The following ACSL1 variants were observed in gnomAD, a reference collection of about 807,000 sequenced individuals.
ACSL1 encodes the protein long-chain-fatty-acid--CoA ligase 1.
In ACSL1, 41 loss-of-function variants were observed where a neutral mutation model predicts 98.4. The ratio of observed to expected loss-of-function variants is 0.42; its 90% CI spans 0.32 to 0.54. ACSL1 has a LOEUF of 0.54. Among genes scored for constraint, ACSL1 ranks in the 20% least tolerant of loss-of-function variants. The pLI, the probability that ACSL1 is intolerant of heterozygous loss-of-function variation, is 0.13. For synonymous variants in ACSL1, 316 were observed against 322.7 expected (o/e 0.98, Z 0.22); for missense variants, 734 against 883.1 (o/e 0.83, Z 2.14).
Position 184,773,603 on chromosome 4 carries a change from T to G in ACSL1, c.841+60A>C. The G allele has an allele frequency of 2.7e-6, 4 of 1,490,404 alleles. No individual in the cohort carries two copies. In the East Asian group the frequency reaches 9.1e-5, roughly 34 times the overall value. 92.3% of individuals were successfully genotyped at this position (1,490,404 alleles called of 1,614,324 possible). On this transcript the variant is annotated intron_variant, in intron 9 of 20. Coordinates refer to ENST00000281455, the MANE Select transcript of ACSL1 (RefSeq NM_001995.5). This position sits in a 1 kb window ranked among gnomAD's most constrained non-coding sequence, Gnocchi z 4.3. ...TAGCTGATAAGTCATCCAAAAGAGG[T>G]AGGGGAGAGTCCAGACCAATGGCTG...
intron 1 of ACSL1, among the ~76,000 whole-genome samples, chr4:184,805,942 G>A (rs1196240342): frequency 6.6e-6 from 1 of 152,204 alleles, no homozygotes; most frequent in Non-Finnish European, 1.5e-5. Flanking sequence ...AGGATAGGAT[G>A]CCGGGTGGTA....
chr4:184,776,817 C>A, intron 6 of ACSL1, 67 bp downstream of exon 6: 1 of 1,551,764 alleles, frequency 6.4e-7, no homozygotes, highest in Non-Finnish European at 8.8e-7. Context: ...CAAATGTAAG[C>A]AAATGTAAAG....
At chr4:184,816,505 CTA>C (rs993452065) in intron 1 of ACSL1, among the ~76,000 whole-genome samples, 14 of 152,124 alleles carry the variant, frequency 9.2e-5, no homozygotes, top group African/African-American at 3.4e-4. Flanking sequence ...GAAAAAGAGA[CTA>C]TGCAGTTCGG....
chr4:184,762,380 T>C (rs749470646), intron 17 of ACSL1, 27 bp downstream of exon 17: 10 of 1,567,618 alleles, frequency 6.4e-6, no homozygotes, highest in Non-Finnish European at 8.8e-6. Flanking sequence ...ACTGAACTGT[T>C]TGTGACCTGA....
chr4:184,810,215 A>T (rs1771910052), intron 1 of ACSL1, among the ~76,000 whole-genome samples: 1 of 152,216 alleles, frequency 6.6e-6, no homozygotes, highest in African/African-American at 2.4e-5. Context: ...AGCTAGCATT[A>T]CATTTGCTGT....
At chr4:184,804,562 C>T (rs1771090333) in intron 1 of ACSL1, among the ~76,000 whole-genome samples, 1 of 142,296 alleles carries the variant, frequency 7.0e-6, no homozygotes, top group Non-Finnish European at 1.5e-5. Context: ...ATCTGGGCAA[C>T]AAAGTGAGAC....
chr4:184,826,577 G>T (rs935182429), upstream of ACSL1: 1 of 152,394 alleles, frequency 6.6e-6, no homozygotes, highest in Non-Finnish European at 1.5e-5. Context: ...CGCAGCTCGC[G>T]CCGGTGCAGG....
chr4:184,776,847 A>G (rs1378670695), intron 6 of ACSL1, 37 bp downstream of exon 6: 3 of 1,597,328 alleles, frequency 1.9e-6, no homozygotes, highest in Non-Finnish European at 2.6e-6. Context: ...CTAACCAATA[A>G]CTATGCCAAT....
At chr4:184,758,613 C>G (rs1480607874) in intron 18 of ACSL1, 2 of 151,800 alleles carry the variant, frequency 1.3e-5, no homozygotes, top group African/African-American at 4.8e-5. Context: ...CTCTAATATC[C>G]CATTCTTTAT....
chr4:184,822,673 G>A (rs1265145447), intron 1 of ACSL1, among the ~76,000 whole-genome samples: 1 of 152,068 alleles, frequency 6.6e-6, no homozygotes, highest in Non-Finnish European at 1.5e-5. Context: ...CAGGGAGGTG[G>A]AGAGGCTGCA....
chr4:184,762,131 C>CAAA (rs375024812), intron 17 of ACSL1, among the ~76,000 whole-genome samples: 4 of 131,270 alleles, frequency 3.0e-5, no homozygotes, highest in African/African-American at 8.4e-5. Context: ...GATTCCGTCT[C>CAAA]AAAAAAAAAA....
At chr4:184,811,724 T>G (rs572292009) in intron 1 of ACSL1, among the ~76,000 whole-genome samples, 5 of 152,206 alleles carry the variant, frequency 3.3e-5, no homozygotes, top group African/African-American at 1.2e-4. Context: ...ATTCTGGAAC[T>G]AGATGGTGGT....
chr4:184,786,119 C>T (rs140063829), intron 3 of ACSL1, among the ~76,000 whole-genome samples: 9 of 152,236 alleles, frequency 5.9e-5, no homozygotes, highest in South Asian at 4.1e-4. Flanking sequence ...GGGCTCCAGC[C>T]GCCCACGACC....
intron 2 of ACSL1, among the ~76,000 whole-genome samples, chr4:184,792,516 G>A (rs527832784): frequency 3.3e-5 from 5 of 152,172 alleles, no homozygotes; most frequent in African/African-American, 9.6e-5. Flanking sequence ...GCTCACTGCC[G>A]TCTCAACCGT....
At chr4:184,798,037 G>C (rs144543195) in intron 2 of ACSL1, among the ~76,000 whole-genome samples, 1 of 152,100 alleles carries the variant, frequency 6.6e-6, no homozygotes, top group Non-Finnish European at 1.5e-5. Context: ...AAGGGCCACC[G>C]GCCAGCATGT....
intron 2 of ACSL1, among the ~76,000 whole-genome samples, chr4:184,799,619 G>A (rs1412357412): frequency 6.6e-6 from 1 of 152,178 alleles, no homozygotes; most frequent in African/African-American, 2.4e-5. Context: ...AGGCCAAGGT[G>A]GGAGGATTGT....
At chr4:184,765,745 C>T (rs1011106717) in intron 14 of ACSL1, 146 bp downstream of exon 14, 1 of 637,116 alleles carries the variant, frequency 1.6e-6, no homozygotes. Flanking sequence ...TACATCAAAA[C>T]ATCATGTTGT....
chr4:184,770,745 C>A (rs1383867906), intron 10 of ACSL1, among the ~76,000 whole-genome samples: 1 of 152,124 alleles, frequency 6.6e-6, no homozygotes, highest in Non-Finnish European at 1.5e-5. Flanking sequence ...GAGTAAACTT[C>A]CATTTTATTT....
At chr4:184,763,278 GTCATTCC>G (rs1763117052) in intron 15 of ACSL1, 23 bp from the exon 16 acceptor site, 1 of 1,606,880 alleles carries the variant, frequency 6.2e-7, no homozygotes, top group South Asian at 1.1e-5. Context: ...TAAGCAAATG[GTCATTCC>G]TAAGGGAACT....
Sources: allele counts gnomAD v4.1 joint callset (sites outside exome capture counted in the v4.1 genomes callset), GRCh38; gene constraint gnomAD v4.1.1; non-coding constraint Gnocchi (gnomAD v3.1); transcripts MANE v1.5; gene names NCBI Gene and HGNC (gene_info 2026-07-23, HGNC 2026-07-21).